DYNC2H1: variants seen among roughly 807,000 people sequenced by gnomAD.
The protein encoded by DYNC2H1 is dynein cytoplasmic 2 heavy chain 1, also known as cytoplasmic dynein 2 heavy chain 1.
In DYNC2H1, 410 loss-of-function variants were observed where a neutral mutation model predicts 570.0. The observed-to-expected ratio is 0.72, with a 90% CI of 0.66 to 0.78. The LOEUF (loss-of-function observed/expected upper bound fraction) is 0.78. Among genes scored for constraint, DYNC2H1 ranks in the 30% least tolerant of loss-of-function variants. The pLI is 0.00. For missense variants in DYNC2H1, 4,865 were observed against 5,046.4 expected, an observed-to-expected ratio of 0.96 and a Z score of 1.09; for synonymous variants, 1,688 against 1,677.6, an observed-to-expected ratio of 1.01 and a Z score of -0.15.
At chr11:103,187,276 G>T in intron 42 of DYNC2H1, 64 bp from the exon 43 acceptor site, 1 of 1,583,806 alleles carries the variant, frequency 6.3e-7, no homozygotes, top group Non-Finnish European at 8.6e-7. Flanking sequence ...ATTTCTTATT[G>T]AGTATAAAAT....
At chr11:103,164,283 G>A (rs1449299782) in intron 30 of DYNC2H1, among the ~76,000 whole-genome samples, 1 of 152,120 alleles carries the variant, frequency 6.6e-6, no homozygotes, top group Admixed American at 6.5e-5. Context: ...AAAGTTGTTG[G>A]ATTTCAGCCT....
intron 47 of DYNC2H1, among the ~76,000 whole-genome samples, chr11:103,194,434 A>G (rs759501574): frequency 6.6e-6 from 1 of 152,200 alleles, no homozygotes; most frequent in Non-Finnish European, 1.5e-5. Flanking sequence ...ATAAATGCTC[A>G]GGAATGCAAT....
intron 50 of DYNC2H1, among the ~76,000 whole-genome samples, chr11:103,202,969 C>T (rs954152009): frequency 2.6e-5 from 4 of 152,116 alleles, no homozygotes; most frequent in Non-Finnish European, 5.9e-5. Flanking sequence ...TGCATAGTAG[C>T]AGGCCATGGA....
chr11:103,276,121 CT>C (rs1299966989), intron 70 of DYNC2H1, among the ~76,000 whole-genome samples: 5 of 151,912 alleles, frequency 3.3e-5, no homozygotes, highest in East Asian at 1.9e-4. Context: ...TGATGTGGAA[CT>C]TTTTTTTACA....
intron 83 of DYNC2H1, among the ~76,000 whole-genome samples, chr11:103,389,798 T>C (rs909232567): frequency 6.6e-6 from 1 of 152,044 alleles, no homozygotes; most frequent in Non-Finnish European, 1.5e-5. Context: ...TCCATGTAAT[T>C]GAGTGGTTTT....
chr11:103,199,465 G>T lies in DYNC2H1; in HGVS notation c.8077G>T (p.Asp2693Tyr). 6.4e-7 allele frequency: 1 copy of T among 1,572,790 alleles called. No individual in the cohort carries two copies. Among genetic ancestry groups the T allele is most frequent in the South Asian group, 1.2e-5 (1 of 81,798 alleles). ...ATATGAACTGAAGCAGTTCAAAAAT[G>T]ATCTCAAACATGTGAGTTGCCCACT... is the stretch of plus-strand genomic sequence containing the variant. ...RGYELKQFKN[D>Y]LKHVLQLAGI... is the part of the protein sequence containing the mutation. The change falls in exon 49 of 89, where the codon GAT becomes TAT. Residue 2693 changes from aspartate (D) to tyrosine (Y), a missense_variant. By Grantham distance (160) the Asp-to-Tyr change is radical (BLOSUM62 -3). Around this residue, in one of 5 missense-constraint regions of DYNC2H1, gnomAD observed 2,401 missense variants for 2,454.6 expected, o/e 0.98. Transcript: ENST00000375735. This position sits in a 1 kb window ranked among gnomAD's most constrained non-coding sequence, Gnocchi z 4.6.
chr11:103,269,712 T>A (rs551153165), intron 70 of DYNC2H1, among the ~76,000 whole-genome samples: 1 of 152,346 alleles, frequency 6.6e-6, no homozygotes, highest in Admixed American at 6.5e-5. Flanking sequence ...TTATTTCAGT[T>A]ACCTATTTCA....
chr11:103,116,111 GT>G (rs1263642056), intron 4 of DYNC2H1, among the ~76,000 whole-genome samples: 1 of 151,262 alleles, frequency 6.6e-6, no homozygotes, highest in Non-Finnish European at 1.5e-5. Context: ...TTAATAGACT[GT>G]TTTAAATGGT....
chr11:103,224,335 A>G (rs562382239), intron 59 of DYNC2H1, among the ~76,000 whole-genome samples: 9 of 151,886 alleles, frequency 5.9e-5, no homozygotes, highest in African/African-American at 9.7e-5. Context: ...GATTTCAGAG[A>G]TTTTGGTGCA....
chr11:103,317,185 T>C (rs1401210779), intron 80 of DYNC2H1, among the ~76,000 whole-genome samples: 2 of 152,072 alleles, frequency 1.3e-5, no homozygotes, highest in Non-Finnish European at 2.9e-5. Context: ...ATAGAGTATG[T>C]TGATAGTAAT....
rs2135113652 is a variant in DYNC2H1 at position 103,209,043 on chromosome 11, C to T, written c.8455-833C>T. On this transcript the variant is annotated intron_variant, in intron 52 of 88. Transcript: ENST00000375735. This position sits in a 1 kb window ranked among gnomAD's most constrained non-coding sequence, Gnocchi z 4.2. ...TTTGTCAGAAATCAGTGAAGGCATA[C>T]TCTCTGTCACAAGAATTATGGTACA... is the stretch of plus-strand genomic sequence containing the variant. Among the ~76,000 whole-genome samples the T allele has an allele frequency of 6.6e-6, 1 of 152,220 alleles. No individual in the cohort carries two copies. The highest frequency in any genetic ancestry group is 2.1e-4 in the South Asian group (1 of 4,828).
chr11:103,338,610 A>T (rs1434767345), intron 82 of DYNC2H1, among the ~76,000 whole-genome samples: 4 of 152,154 alleles, frequency 2.6e-5, no homozygotes, highest in Non-Finnish European at 5.9e-5. Context: ...CTGTTGAGAC[A>T]CTGATGTATT....
chr11:103,331,542 C>T (rs1446145469), intron 82 of DYNC2H1, among the ~76,000 whole-genome samples: 1 of 152,172 alleles, frequency 6.6e-6, no homozygotes, highest in Non-Finnish European at 1.5e-5. Context: ...CCCTAAAGGC[C>T]TATCAGAAAG....
intron 29 of DYNC2H1, 115 bp from the exon 30 acceptor site, chr11:103,162,913 G>A (rs978056616): frequency 6.8e-5 from 58 of 852,132 alleles, no homozygotes; most frequent in Admixed American, 4.3e-4. Flanking sequence ...ATAATACCCC[G>A]TCTTGAAATA....
At chr11:103,401,249 T>C (rs1942629242) in intron 84 of DYNC2H1, among the ~76,000 whole-genome samples, 1 of 152,176 alleles carries the variant, frequency 6.6e-6, no homozygotes, top group Non-Finnish European at 1.5e-5. Flanking sequence ...TCATAATAAA[T>C]GTAAATGCTT....
At chr11:103,309,710 C>T (rs938518368) in intron 78 of DYNC2H1, among the ~76,000 whole-genome samples, 1 of 152,020 alleles carries the variant, frequency 6.6e-6, no homozygotes, top group African/African-American at 2.4e-5. Flanking sequence ...AATCTATATT[C>T]TAGGACTGGA....
chr11:103,139,520 C>T (rs1474039709), intron 17 of DYNC2H1, among the ~76,000 whole-genome samples: 43 of 149,312 alleles, frequency 2.9e-4, no homozygotes, highest in South Asian at 1.5e-3. Flanking sequence ...TGTAGTTGAG[C>T]GGTTTTGAGT....
At chr11:103,233,657 G>A (rs1041729122) in intron 60 of DYNC2H1, among the ~76,000 whole-genome samples, 19 of 151,936 alleles carry the variant, frequency 1.3e-4, no homozygotes, top group African/African-American at 4.1e-4. Flanking sequence ...AAATTCTTCC[G>A]ATATTGACAT....
chr11:103,304,161 C>A (rs1867171448), intron 76 of DYNC2H1, among the ~76,000 whole-genome samples: 1 of 151,978 alleles, frequency 6.6e-6, no homozygotes, highest in Non-Finnish European at 1.5e-5. Context: ...CTGAATACTT[C>A]ATAGCAACCA....
Sources: gnomAD v4.1 joint callset for allele counts (sites outside exome capture counted in the v4.1 genomes callset) on GRCh38, gnomAD v4.1.1 for gene constraint, gnomAD v4.1.1 regional missense constraint, Gnocchi (gnomAD v3.1) non-coding constraint, MANE v1.5 for transcripts, NCBI Gene and HGNC (gene_info 2026-07-23, HGNC 2026-07-21) for gene names.